TNFAIP8L3: variants seen among roughly 807,000 people sequenced by gnomAD.
The protein encoded by TNFAIP8L3 is TNF alpha induced protein 8 like 3.
In TNFAIP8L3, 7 loss-of-function variants were observed where a neutral mutation model predicts 11.8. The observed-to-expected ratio is 0.59, with a 90% CI of 0.34 to 1.11. The LOEUF (loss-of-function observed/expected upper bound fraction) is 1.11. Ranked by LOEUF, TNFAIP8L3 falls within the 50% of genes most tolerant of loss-of-function variation. TNFAIP8L3 has a pLI of 0.03. For missense variants in TNFAIP8L3, 219 were observed against 258.6 expected (o/e 0.85, Z 1.05); for synonymous variants, 98 against 103.8 (o/e 0.94, Z 0.34).
chr15:51,065,587 A>G (rs1595606801), intron 1 of TNFAIP8L3, among the ~76,000 whole-genome samples: 1 of 152,240 alleles, frequency 6.6e-6, no homozygotes, highest in Non-Finnish European at 1.5e-5. Context: ...GTTATAAAAC[A>G]TGACAGGCTC....
chr15:51,060,599 C>CT (rs1481239170), intron 1 of TNFAIP8L3, among the ~76,000 whole-genome samples: 1 of 152,228 alleles, frequency 6.6e-6, no homozygotes, highest in Non-Finnish European at 1.5e-5. Context: ...GGACTTGTGT[C>CT]TAAGCCTGAT....
At chr15:51,084,130 CTG>C (rs1219953041) in intron 1 of TNFAIP8L3, among the ~76,000 whole-genome samples, 1 of 152,126 alleles carries the variant, frequency 6.6e-6, no homozygotes, top group Non-Finnish European at 1.5e-5. Flanking sequence ...ACGTGTGTGA[CTG>C]TGAGGGGAGA....
intron 1 of TNFAIP8L3, among the ~76,000 whole-genome samples, chr15:51,062,971 G>C (rs1595605591): frequency 6.6e-6 from 1 of 152,174 alleles, no homozygotes; most frequent in Non-Finnish European, 1.5e-5. Flanking sequence ...AGAGGTTGGA[G>C]TGACATGGTG....
At chr15:51,068,716 G>C (rs1211095821) in intron 1 of TNFAIP8L3, among the ~76,000 whole-genome samples, 1 of 139,854 alleles carries the variant, frequency 7.2e-6, no homozygotes, top group Non-Finnish European at 1.5e-5. Context: ...GCCCAGGCTA[G>C]AGTGCAGTGG....
At chr15:51,093,440 TTAA>T (rs1285060476) in intron 1 of TNFAIP8L3, among the ~76,000 whole-genome samples, 1 of 152,220 alleles carries the variant, frequency 6.6e-6, no homozygotes, top group African/African-American at 2.4e-5. Flanking sequence ...TGAAAGGGTA[TTAA>T]TAATATACGC....
At chr15:51,072,261 C>T (rs1309533204) in intron 1 of TNFAIP8L3, among the ~76,000 whole-genome samples, 3 of 152,146 alleles carry the variant, frequency 2.0e-5, no homozygotes, top group Non-Finnish European at 4.4e-5. Flanking sequence ...TTGCTGCAGC[C>T]TCCCGAGTAA....
rs2065219696 is a variant in TNFAIP8L3 at position 51,058,279 on chromosome 15, CCTT to C, written c.214_216del (p.Lys72del). ...AAGTCTTTCATGATCTTGTGGGCTT[CCTT>C]CTTGTTGTGTGTGTGCTCTTTGGTG... On this transcript the variant is annotated inframe_deletion, in exon 2 of 2. Transcript: ENST00000637513. 6.2e-7 allele frequency: 1 copy of C among 1,614,128 alleles called. No individual in the cohort carries two copies. The highest frequency in any genetic ancestry group is 1.3e-5 in the African/African-American group (1 of 75,012).
exon 1 of TNFAIP8L3, chr15:51,105,050 T>G (rs903889483): frequency 6.2e-7 from 1 of 1,614,222 alleles, no homozygotes; most frequent in African/African-American, 1.3e-5. Flanking sequence ...GGGATGAGTC[T>G]TGTTTGTAAC....
At chr15:51,070,674 A>G (rs1018166945) in intron 1 of TNFAIP8L3, among the ~76,000 whole-genome samples, 19 of 152,202 alleles carry the variant, frequency 1.2e-4, no homozygotes, top group African/African-American at 4.6e-4. Context: ...ATGGGGTGAC[A>G]AACATCAATT....
At chr15:51,085,612 G>A (rs942600967) in intron 1 of TNFAIP8L3, among the ~76,000 whole-genome samples, 3 of 148,866 alleles carry the variant, frequency 2.0e-5, no homozygotes, top group African/African-American at 2.4e-5. Context: ...ACCTGGAATA[G>A]CTCCGATTCT....
chr15:51,086,041 C>A (rs2065425193), intron 1 of TNFAIP8L3, among the ~76,000 whole-genome samples: 1 of 152,164 alleles, frequency 6.6e-6, no homozygotes. Flanking sequence ...GCACTCTCAC[C>A]TTTTGAATTT....
At chr15:51,092,861 CCT>C (rs1288585381) in intron 1 of TNFAIP8L3, among the ~76,000 whole-genome samples, 1 of 152,290 alleles carries the variant, frequency 6.6e-6, no homozygotes, top group East Asian at 1.9e-4. Flanking sequence ...TCTCTTCCTT[CCT>C]CTTTCTCTAA....
chr15:51,101,818 C>T (rs1222375288), intron 1 of TNFAIP8L3, among the ~76,000 whole-genome samples: 48 of 138,418 alleles, frequency 3.5e-4, no homozygotes, highest in Admixed American at 1.7e-3. Context: ...TGATGGCGGG[C>T]GCCTGTAGTC....
chr15:51,060,766 T>G (rs1273036119), intron 1 of TNFAIP8L3, among the ~76,000 whole-genome samples: 1 of 152,230 alleles, frequency 6.6e-6, no homozygotes, highest in Non-Finnish European at 1.5e-5. Context: ...CCCTGCTGTT[T>G]GTACTGCCAG....
At chr15:51,073,099 C>A (rs775700951) in intron 1 of TNFAIP8L3, among the ~76,000 whole-genome samples, 1 of 150,238 alleles carries the variant, frequency 6.7e-6, no homozygotes, top group African/African-American at 2.5e-5. Flanking sequence ...CGGTTTCAAG[C>A]GATTCTTCTG....
chr15:51,070,976 G>A (rs373771950), intron 1 of TNFAIP8L3, among the ~76,000 whole-genome samples: 1 of 145,552 alleles, frequency 6.9e-6, no homozygotes, highest in Non-Finnish European at 1.5e-5. Flanking sequence ...GCGTGAACCC[G>A]GGAGGTGGAG....
At chr15:51,096,765 CCT>C (rs939564665), upstream of TNFAIP8L3, among the ~76,000 whole-genome samples, 4 of 151,688 alleles carry the variant, frequency 2.6e-5, no homozygotes, top group African/African-American at 9.7e-5. Context: ...GTGGTGCATG[CCT>C]GTAATCACTG....
At chr15:51,061,043 C>T (rs1050024863) in intron 1 of TNFAIP8L3, among the ~76,000 whole-genome samples, 5 of 152,134 alleles carry the variant, frequency 3.3e-5, no homozygotes, top group East Asian at 1.9e-4. Context: ...GTCTGAAACA[C>T]GAGAATTGCT....
In TNFAIP8L3 at chr15:51,058,144, T is replaced by G; in HGVS notation, c.352A>C (p.Thr118Pro). The G allele has an allele frequency of 6.2e-7, 1 of 1,614,218 alleles. No homozygotes were observed. Among genetic ancestry groups the G allele is most frequent in the Non-Finnish European group, 8.5e-7 (1 of 1,180,040 alleles). Residue 118 changes from threonine to proline, a missense_variant, in exon 2 of 2, where the codon ACC becomes CCC. By Grantham distance (38) the Thr-to-Pro change is conservative (BLOSUM62 -1). Transcript: ENST00000637513. The stretch of plus-strand genomic sequence containing the variant: ...TCCACCTCATAGAAGCTGACAATGG[T>G]CATGGCGGTCTGGTTCAGCTTCTTC... ...FRKKLNQTAM[T>P]IVSFYEVEYT...
Sources: gnomAD v4.1 joint callset for allele counts (sites outside exome capture counted in the v4.1 genomes callset) on GRCh38, gnomAD v4.1.1 for gene constraint, MANE v1.5 for transcripts, NCBI Gene and HGNC (gene_info 2026-07-23, HGNC 2026-07-21) for gene names.